MON2: variants seen among roughly 807,000 people sequenced by gnomAD.
The protein encoded by MON2 is protein MON2 homolog.
A neutral mutation model predicts 208.6 loss-of-function variants in MON2; 84 were observed. The ratio of observed to expected loss-of-function variants is 0.40; its 90% CI spans 0.34 to 0.48. The LOEUF (loss-of-function observed/expected upper bound fraction) is 0.48. MON2 is among the 20% of genes least tolerant of loss of function. The probability of loss-of-function intolerance (pLI) is 0.59; values close to 1 mark genes in which losing one functional copy is unlikely to be tolerated. For missense variants in MON2, 1,611 were observed against 2,015.4 expected, an observed-to-expected ratio of 0.80 and a Z score of 3.84; for synonymous variants, 660 against 694.0, an observed-to-expected ratio of 0.95 and a Z score of 0.77.
At chr12:62,495,580 C>G (rs953311024) in intron 4 of MON2, among the ~76,000 whole-genome samples, 4 of 150,966 alleles carry the variant, frequency 2.6e-5, no homozygotes, top group African/African-American at 9.7e-5. Flanking sequence ...GTCCCGGCTA[C>G]TCGGGAGGCT....
At chr12:62,548,758 G>C (rs1421756918) in intron 22 of MON2, among the ~76,000 whole-genome samples, 1 of 152,108 alleles carries the variant, frequency 6.6e-6, no homozygotes, top group East Asian at 1.9e-4. Context: ...TAAGCACTCA[G>C]AGTATTAGCA....
chr12:62,553,395 T>A, intron 24 of MON2: 1 of 422,368 alleles, frequency 2.4e-6, no homozygotes, highest in South Asian at 5.2e-5. Context: ...CTCTTATTAT[T>A]ATATCTCTCG....
rs955233847 is a variant in MON2, at chr12:62,560,748, A to T, written c.3667A>T (p.Ser1223Cys). Reference sequence around the variant, plus strand: ...CATTGGAGAAAAACTAGGAAGATATAGTAGCTCTGAGCCACCCATTGTTAC... The same window carrying T: ...CATTGGAGAAAAACTAGGAAGATATTGTAGCTCTGAGCCACCCATTGTTAC... ...DSIGEKLGRY[S>C]SSEPPIVTDE... Residue 1223 changes from serine (S) to cysteine (C), a missense_variant, in exon 26 of 35, where the codon AGT becomes TGT. By Grantham distance (112) the Ser-to-Cys change is moderately radical (BLOSUM62 -1). Transcript: ENST00000393630. 7.4e-6 allele frequency: 12 copies of T among 1,614,062 alleles called. No homozygotes were observed. The highest frequency in any genetic ancestry group is 1.0e-5 in the Non-Finnish European group (12 of 1,180,026).
chr12:62,533,515 A>G (rs1349704455), intron 12 of MON2, among the ~76,000 whole-genome samples: 3 of 152,196 alleles, frequency 2.0e-5, no homozygotes, highest in Admixed American at 6.5e-5. Flanking sequence ...ATTGTTCCCA[A>G]CATGGCCAAT....
chr12:62,556,025 A>T lies in MON2; in HGVS notation c.3242A>T (p.Glu1081Val). 1 of 1,613,232 alleles carries T rather than the reference A, an allele frequency of 6.2e-7. No individual in the cohort carries two copies. The highest frequency in any genetic ancestry group is 8.5e-7 in the Non-Finnish European group (1 of 1,179,572). Residue 1081 changes from glutamate to valine, a missense_variant, in exon 25 of 35, where the codon GAG becomes GTG. Glu to Val is a moderately radical substitution (Grantham distance 121). Coordinates refer to ENST00000393630, the MANE Select transcript of MON2 (RefSeq NM_015026.3). ...TTTCATCTACTGGACAGAGTTCGAG[A>T]GTCCTCTACCACTGCAGACAAAGAA... ...VLFHLLDRVR[E>V]SSTTADKEKI...
chr12:62,550,705 C>T (rs1316193084), intron 23 of MON2, among the ~76,000 whole-genome samples: 1 of 152,134 alleles, frequency 6.6e-6, no homozygotes, highest in Non-Finnish European at 1.5e-5. Context: ...TCTTAAACCT[C>T]ATGAACTAGC....
chr12:62,543,923 G>A (rs1020962824), intron 20 of MON2, among the ~76,000 whole-genome samples: 3 of 152,102 alleles, frequency 2.0e-5, no homozygotes, highest in African/African-American at 7.2e-5. Flanking sequence ...TTATGAGATA[G>A]CTTTCTGTGA....
chr12:62,577,794 C>T (rs1343520798), intron 30 of MON2, among the ~76,000 whole-genome samples: 1 of 152,094 alleles, frequency 6.6e-6, no homozygotes, highest in Non-Finnish European at 1.5e-5. Flanking sequence ...ATCCTATTCT[C>T]AACTGTTTTT....
chr12:62,520,791 G>A (rs2071988411), intron 8 of MON2, among the ~76,000 whole-genome samples: 1 of 149,370 alleles, frequency 6.7e-6, no homozygotes, highest in African/African-American at 2.5e-5. Flanking sequence ...GCCGGGTGTG[G>A]TGGCAGGCAC....
chr12:62,562,915 A>T (rs2074251729), intron 26 of MON2, among the ~76,000 whole-genome samples: 1 of 152,030 alleles, frequency 6.6e-6, no homozygotes, highest in Non-Finnish European at 1.5e-5. Flanking sequence ...GTGCTAATTT[A>T]TTTATTTATG....
At chr12:62,494,946 C>A in intron 3 of MON2, 70 bp from the exon 4 acceptor site, 3 of 1,172,308 alleles carry the variant, frequency 2.6e-6, no homozygotes, top group South Asian at 1.8e-5. Context: ...GTTTGTATAC[C>A]TTCTCTTATT....
chr12:62,530,007 G>A (rs1381818240), intron 11 of MON2, among the ~76,000 whole-genome samples: 1 of 152,102 alleles, frequency 6.6e-6, no homozygotes, highest in Non-Finnish European at 1.5e-5. Flanking sequence ...GAATTCGTGT[G>A]TTCCAGGTAT....
At chr12:62,580,200 G>T in intron 31 of MON2, 97 bp from the exon 32 acceptor site, 1 of 1,207,152 alleles carries the variant, frequency 8.3e-7, no homozygotes, top group South Asian at 1.4e-5. Flanking sequence ...TTCTTTAACT[G>T]ATTTTCATTT....
chr12:62,549,889 G>C, intron 23 of MON2, 59 bp downstream of exon 23: 1 of 1,126,790 alleles, frequency 8.9e-7, no homozygotes, highest in Non-Finnish European at 1.2e-6. Flanking sequence ...ATTCAGTTGG[G>C]AGTGAATGCT....
At chr12:62,572,761 T>C (rs1218367161) in intron 30 of MON2, among the ~76,000 whole-genome samples, 1 of 152,226 alleles carries the variant, frequency 6.6e-6, no homozygotes, top group Non-Finnish European at 1.5e-5. Flanking sequence ...ATTTTTTAAA[T>C]GTTTGTATCC....
intron 8 of MON2, among the ~76,000 whole-genome samples, chr12:62,519,902 G>A (rs1488866819): frequency 3.3e-5 from 5 of 152,304 alleles, no homozygotes; most frequent in African/African-American, 9.6e-5. Flanking sequence ...TGTAAACTCC[G>A]CCTCCTGGAT....
chr12:62,520,985 T>G (rs2072005767), intron 8 of MON2, among the ~76,000 whole-genome samples: 1 of 142,806 alleles, frequency 7.0e-6, no homozygotes, highest in South Asian at 2.2e-4. Flanking sequence ...TTGTTTATTA[T>G]GGCTCTTTTT....
At position 62,512,757 on chromosome 12, in the gene MON2, T is replaced by G. The variant is rs1423064012; in HGVS notation, c.984+4277T>G. On this transcript the variant is annotated intron_variant, in intron 8 of 34. Coordinates refer to ENST00000393630, the MANE Select transcript of MON2 (RefSeq NM_015026.3). ...GGGGGCTCTGACCTCACATTTCCCT[T>G]CTGTATTGCCCTAGCAGAGGTTCTC... 2.6e-5 allele frequency among the ~76,000 whole-genome samples: 4 copies of G among 152,198 alleles called. No individual in the cohort carries two copies. The East Asian group carries it at 7.7e-4, about 29-fold the overall frequency.
chr12:62,579,257 T>TA (rs1197910244), intron 31 of MON2, among the ~76,000 whole-genome samples: 5 of 150,748 alleles, frequency 3.3e-5, no homozygotes, highest in Non-Finnish European at 5.9e-5. Flanking sequence ...AAAAAAAAAG[T>TA]AAAAAAAATA....
Sources: gnomAD v4.1 joint callset for allele counts (sites outside exome capture counted in the v4.1 genomes callset) on GRCh38, gnomAD v4.1.1 for gene constraint, MANE v1.5 for transcripts, NCBI Gene and HGNC (gene_info 2026-07-23, HGNC 2026-07-21) for gene names.